ZSCAN1: variants seen among roughly 807,000 people sequenced by gnomAD.
ZSCAN1 encodes zinc finger and SCAN domain-containing protein 1.
A neutral mutation model predicts 23.8 loss-of-function variants in ZSCAN1; 23 were observed. That is an observed-to-expected ratio of 0.97 (90% CI 0.70 to 1.37). The LOEUF is 1.37. Among genes scored for constraint, ZSCAN1 ranks in the 40% most tolerant of loss-of-function variants. The pLI, the probability that ZSCAN1 is intolerant of heterozygous loss-of-function variation, is 0.00. For synonymous variants in ZSCAN1, 236 were observed against 232.3 expected (o/e 1.02, Z -0.15); for missense variants, 575 against 554.0 (o/e 1.04, Z -0.38).
In ZSCAN1 at chr19:58,034,120, G is replaced by T. The variant is rs1311633384; in HGVS notation, c.-193G>T. ...GGGCGCGCTCGCCAGCCCAGGGGTC[G>T]CCATGACCGAGTGGCCCAGGCCCGA... On this transcript the variant is annotated 5_prime_UTR_variant, in exon 1 of 6. Coordinates refer to ENST00000282326, the MANE Select transcript of ZSCAN1 (RefSeq NM_182572.4). The T allele has an allele frequency of 6.6e-6, 1 of 151,374 alleles. No homozygotes were observed. The highest frequency in any genetic ancestry group is 1.9e-4 in the East Asian group (1 of 5,156). 9.4% of individuals were successfully genotyped at this position (151,374 alleles called of 1,614,324 possible).
chr19:58,055,081 TA>T (rs1385999631), downstream of ZSCAN1, among the ~76,000 whole-genome samples: 3 of 152,222 alleles, frequency 2.0e-5, no homozygotes, highest in South Asian at 4.1e-4. Flanking sequence ...GCAAAAGCCT[TA>T]AAAGTTTTTG....
chr19:58,040,618 A>G lies in ZSCAN1; in HGVS notation c.465+74A>G. 6.8e-7 allele frequency: 1 copy of G among 1,461,148 alleles called. No individual in the cohort carries two copies. Among genetic ancestry groups the G allele is most frequent in the South Asian group, 1.1e-5 (1 of 87,314 alleles). The allele number at this position is 1,461,148 out of a possible 1,614,324, so 90.5% of individuals were successfully genotyped here. ...TGCCGCTTCTGGGACGGCCTCAAGG[A>G]TGCCCCATCCAAGGACTGTGTGAGG... is the stretch of plus-strand genomic sequence containing the variant. On this transcript the variant is annotated intron_variant, in intron 4 of 5. Transcript: ENST00000282326. This position sits in a 1 kb window ranked among gnomAD's most constrained non-coding sequence, Gnocchi z 5.8.
Position 58,054,082 on chromosome 19 carries a change from CCT to C in ZSCAN1, c.*32_*33del. 2.1e-6 allele frequency: 3 copies of C among 1,457,020 alleles called. No homozygotes were observed. The highest frequency in any genetic ancestry group is 2.7e-6 in the Non-Finnish European group (3 of 1,106,312). 90.3% of individuals were successfully genotyped at this position (1,457,020 alleles called of 1,614,324 possible). ...CAGCCTCGGGCCTCGGCCACCCGGC[CCT>C]GAGTCCCTGGGGGGAGCTGATGGGC... On this transcript the variant is annotated 3_prime_UTR_variant, in exon 6 of 6. Coordinates refer to ENST00000282326, the MANE Select transcript of ZSCAN1 (RefSeq NM_182572.4). This position sits in a 1 kb window ranked among gnomAD's most constrained non-coding sequence, Gnocchi z 4.2.
Position 58,053,091 on chromosome 19 carries a change from C to T in ZSCAN1, c.605-338C>T, listed in dbSNP as rs2073869173. The stretch of plus-strand genomic sequence containing the variant: ...TCTCCTGCCTCACCCTCCTGAGTAG[C>T]TGGGATTACAGGCGCACACCACCAC... On this transcript the variant is annotated intron_variant, in intron 5 of 5. Transcript: ENST00000282326. This position sits in a 1 kb window ranked among gnomAD's most constrained non-coding sequence, Gnocchi z 5.8. Among the ~76,000 whole-genome samples the T allele has an allele frequency of 6.6e-6, 1 of 151,970 alleles. No individual in the cohort carries two copies. The highest frequency in any genetic ancestry group is 1.5e-5 in the Non-Finnish European group (1 of 68,010).
intron 1 of ZSCAN1, among the ~76,000 whole-genome samples, chr19:58,034,720 C>A (rs1374508841): frequency 7.5e-6 from 1 of 133,950 alleles, no homozygotes; most frequent in East Asian, 2.3e-4. Flanking sequence ...TCCTGAACAG[C>A]CGCCCCCGAC....
Position 58,037,957 on chromosome 19 carries a change from T to C in ZSCAN1, c.121T>C (p.Phe41Leu), listed in dbSNP as rs1022733667. The change falls in exon 3 of 6, where the codon TTC becomes CTC. Residue 41 changes from phenylalanine to leucine, a missense_variant. Physicochemically the swap from Phe to Leu is conservative, Grantham distance 22. Coordinates refer to ENST00000282326, the MANE Select transcript of ZSCAN1 (RefSeq NM_182572.4). ...PRDTEAQRLR[F>L]RQFQYHVASG... ...GGACACCGAAGCCCAGCGTCTGCGC[T>C]TCCGGCAGTTCCAGTACCACGTGGC... 10 of 1,604,764 alleles carry C rather than the reference T, an allele frequency of 6.2e-6. No individual in the cohort carries two copies. The highest frequency in any genetic ancestry group is 5.0e-5 in the Admixed American group (3 of 59,914).
At chr19:58,050,889 TCCCTCCCGCCTCCAATCTC>T (rs1287366484) in intron 4 of ZSCAN1, among the ~76,000 whole-genome samples, 1 of 152,086 alleles carries the variant, frequency 6.6e-6, no homozygotes, top group African/African-American at 2.4e-5. Flanking sequence ...GACATGCATC[TCCCTCCCGCCTCCAATCTC>T]CCCACCTGTC....
Position 58,047,306 on chromosome 19 carries a change from G to A in ZSCAN1, c.466-5184G>A, listed in dbSNP as rs542464665. Among the ~76,000 whole-genome samples the A allele has an allele frequency of 6.6e-6, 1 of 152,372 alleles. No homozygotes were observed. The highest frequency in any genetic ancestry group is 2.1e-4 in the South Asian group (1 of 4,830). On this transcript the variant is annotated intron_variant, in intron 4 of 5. Coordinates refer to ENST00000282326, the MANE Select transcript of ZSCAN1 (RefSeq NM_182572.4). The surrounding 1 kb of genome is among the most constrained non-coding windows in gnomAD (Gnocchi z 4.9). ...GGATCTGGGTCACTGTGGAGACAGA[G>A]GTATCTGCCATCTCTGTGGCCTCTG...
At chr19:58,046,690 A>G in intron 4 of ZSCAN1, 2 of 868,442 alleles carry the variant, frequency 2.3e-6, no homozygotes, top group Non-Finnish European at 4.0e-6. Flanking sequence ...GGTGGCCGAG[A>G]TTGTAGCAAC....
chr19:58,051,195 G>A (rs892235980), intron 4 of ZSCAN1, among the ~76,000 whole-genome samples: 2 of 152,156 alleles, frequency 1.3e-5, no homozygotes, highest in African/African-American at 4.8e-5. Context: ...AGTCACAGAC[G>A]CCAAGGTGGG....
In ZSCAN1 at chr19:58,046,434, G is replaced by A. The variant is rs1027000582; in HGVS notation, c.465+5890G>A. On this transcript the variant is annotated intron_variant, in intron 4 of 5. Transcript: ENST00000282326. The stretch of plus-strand genomic sequence containing the variant: ...TCGGGCAGATCAACGGCTTGATCTC[G>A]CAGCTGGAGATGGACCAGTGGGCCA... 50 of 851,570 alleles carry A rather than the reference G, an allele frequency of 5.9e-5. 1 individual carries two copies. The Admixed American group carries it at 7.6e-4, about 13-fold the overall frequency. The allele number at this position is 851,570 out of a possible 1,614,324, so 52.8% of individuals were successfully genotyped here.
chr19:58,042,163 G>A (rs1157790720), intron 4 of ZSCAN1, among the ~76,000 whole-genome samples: 2 of 151,978 alleles, frequency 1.3e-5, no homozygotes, highest in Non-Finnish European at 1.5e-5. Flanking sequence ...ATATAAGAAT[G>A]TTAGCACAGG....
chr19:58,036,043 C>G (rs2073733019), intron 2 of ZSCAN1, 32 bp downstream of exon 2: 1 of 152,234 alleles, frequency 6.6e-6, no homozygotes, highest in African/African-American at 2.4e-5. Flanking sequence ...TGGCCGCCCC[C>G]CATGGGCGTC....
chr19:58,052,550 T>G lies in ZSCAN1; in HGVS notation c.526T>G (p.Trp176Gly), dbSNP rs761048274. The G allele has an allele frequency of 6.2e-7, 1 of 1,613,932 alleles. No individual in the cohort carries two copies. Among genetic ancestry groups the G allele is most frequent in the Non-Finnish European group, 8.5e-7 (1 of 1,180,002 alleles). ...CCCAGCACTCCCCGAGGAAAGTGAGTGGCTGGAGACTACCCAGCTCCAGCA... is the reference window on the plus strand; with the variant it reads ...CCCAGCACTCCCCGAGGAAAGTGAGGGGCTGGAGACTACCCAGCTCCAGCA... Reference protein sequence around the residue: ...AAPALPEESEWLETTQLQQSL... With the variant: ...AAPALPEESEGLETTQLQQSL... The change falls in exon 5 of 6, where the codon TGG (tryptophan) becomes GGG (glycine). Residue 176 changes from tryptophan (W) to glycine (G), a missense_variant. Trp to Gly is a radical substitution (Grantham distance 184, BLOSUM62 -2). Transcript: ENST00000282326.
At position 58,045,924 on chromosome 19, in the gene ZSCAN1, C is replaced by T. The variant is rs376815545; in HGVS notation, c.465+5380C>T. ...CAAAGGAAGCACAGGTGAAAGTGGCCGAGGTGGAGGGCAAGCAGGTGGACA... is the reference window on the plus strand; with the variant it reads ...CAAAGGAAGCACAGGTGAAAGTGGCTGAGGTGGAGGGCAAGCAGGTGGACA... On this transcript the variant is annotated intron_variant, in intron 4 of 5. Coordinates refer to ENST00000282326, the MANE Select transcript of ZSCAN1 (RefSeq NM_182572.4). This position sits in a 1 kb window ranked among gnomAD's most constrained non-coding sequence, Gnocchi z 4.3. 2.0e-4 allele frequency: 191 copies of T among 939,668 alleles called. 2 individuals carry two copies. In the South Asian group the frequency reaches 2.4e-3, roughly 12 times the overall value. The allele number at this position is 939,668 out of a possible 1,614,324, so 58.2% of individuals were successfully genotyped here.
chr19:58,052,690 CCA>C, intron 5 of ZSCAN1, 62 bp downstream of exon 5: 2 of 1,520,834 alleles, frequency 1.3e-6, no homozygotes, highest in South Asian at 1.3e-5. Context: ...CAACCCAAAG[CCA>C]CAGACTTTGT....
At chr19:58,055,620 C>T (rs1255106240), downstream of ZSCAN1, among the ~76,000 whole-genome samples, 1 of 152,212 alleles carries the variant, frequency 6.6e-6, no homozygotes, top group African/African-American at 2.4e-5. Flanking sequence ...CCTGAGCCTT[C>T]TCTCAGGCGC....
chr19:58,055,852 G>A (rs1400828171), downstream of ZSCAN1, among the ~76,000 whole-genome samples: 1 of 150,294 alleles, frequency 6.7e-6, no homozygotes, highest in African/African-American at 2.4e-5. Flanking sequence ...TGGCCCCAGA[G>A]ACATCCATCT....
intron 1 of ZSCAN1, among the ~76,000 whole-genome samples, chr19:58,034,364 G>A (rs1314316196): frequency 6.6e-6 from 1 of 150,444 alleles, no homozygotes; most frequent in Admixed American, 6.6e-5. Flanking sequence ...TGAGGTCGCC[G>A]TAGGGGAGGG....
Sources: gnomAD v4.1 joint callset for allele counts (sites outside exome capture counted in the v4.1 genomes callset) on GRCh38, gnomAD v4.1.1 for gene constraint, Gnocchi (gnomAD v3.1) non-coding constraint, MANE v1.5 for transcripts, NCBI Gene and HGNC (gene_info 2026-07-23, HGNC 2026-07-21) for gene names.